EARS2: variants seen among roughly 807,000 people sequenced by gnomAD.
The protein encoded by EARS2 is glutamyl-tRNA synthetase 2, mitochondrial.
A neutral mutation model predicts 54.1 loss-of-function variants in EARS2; 50 were observed. The observed-to-expected ratio is 0.92, with a 90% CI of 0.74 to 1.17. The LOEUF (loss-of-function observed/expected upper bound fraction) is 1.17, where lower values mean the gene tolerates loss of function less well. EARS2 is among the 50% of genes most tolerant of loss of function. The pLI, the probability that EARS2 is intolerant of heterozygous loss-of-function variation, is 0.00. For missense variants in EARS2, 673 were observed against 675.0 expected (o/e 1.00, Z 0.03); for synonymous variants, 298 against 281.0 (o/e 1.06, Z -0.61).
intron 3 of EARS2, chr16:23,537,139 A>AG (rs1476356058): frequency 1.3e-5 from 3 of 228,754 alleles, no homozygotes; most frequent in African/African-American, 4.7e-5. Flanking sequence ...AAGTTAAAGA[A>AG]GAAAAAGTAA....
In EARS2 at chr16:23,524,299, T is replaced by C; in HGVS notation, c.*72A>G. Reference sequence around the variant, plus strand: ...CTTCCCGACGGGCCCCAGGCCTCCTTCTGGTCTCTGAAAGCTGTTTCTAAG... The same window carrying C: ...CTTCCCGACGGGCCCCAGGCCTCCTCCTGGTCTCTGAAAGCTGTTTCTAAG... On this transcript the variant is annotated 3_prime_UTR_variant, in exon 9 of 9. Transcript: ENST00000449606. 1.5e-6 allele frequency: 2 copies of C among 1,377,880 alleles called. No homozygotes were observed. The highest frequency in any genetic ancestry group is 1.2e-5 in the South Asian group (1 of 86,020). The allele number at this position is 1,377,880 out of a possible 1,614,324, so 85.4% of individuals were successfully genotyped here. A position where few individuals can be genotyped will look rare whatever the true frequency, so the allele number is the denominator to read the frequency against.
In EARS2 at chr16:23,524,195, C is replaced by G. The variant is rs546116107; in HGVS notation, c.*176G>C. The G allele has an allele frequency of 1.5e-6, 1 of 655,320 alleles. No homozygotes were observed. Among genetic ancestry groups the G allele is most frequent in the Admixed American group, 2.7e-5 (1 of 37,570 alleles). 40.6% of individuals were successfully genotyped at this position (655,320 alleles called of 1,614,324 possible). On this transcript the variant is annotated 3_prime_UTR_variant, in exon 9 of 9. Coordinates refer to ENST00000449606, the MANE Select transcript of EARS2 (RefSeq NM_001083614.2). ...GGGTTGGGCTTCCCCAGCCAATTGA[C>G]AAAAACGTGCCTGTGGTGGATCACA... is the stretch of plus-strand genomic sequence containing the variant.
intron 1 of EARS2, among the ~76,000 whole-genome samples, chr16:23,555,971 G>A (rs1016152953): frequency 2.6e-5 from 4 of 152,310 alleles, no homozygotes; most frequent in Admixed American, 6.5e-5. Context: ...TATTTTGGAT[G>A]TTTTCAAAAT....
At chr16:23,528,309 T>C (rs1965264555) in intron 7 of EARS2, among the ~76,000 whole-genome samples, 1 of 151,968 alleles carries the variant, frequency 6.6e-6, no homozygotes, top group African/African-American at 2.4e-5. Context: ...ACAAAAAATA[T>C]AATGTGGGAA....
At position 23,557,295 on chromosome 16, in the gene EARS2, C is replaced by T; in HGVS notation, c.49G>A (p.Ala17Thr). 6.6e-7 allele frequency: 1 copy of T among 1,513,034 alleles called. No individual in the cohort carries two copies. Among genetic ancestry groups the T allele is most frequent in the Non-Finnish European group, 8.8e-7 (1 of 1,142,168 alleles). 93.7% of individuals were successfully genotyped at this position (1,513,034 alleles called of 1,614,324 possible). The part of the protein sequence containing the change: ...RLLQRERPSA[A>T]SGRPVGRREA... ...CGCCGTCCTACGGGGCGGCCAGAGG[C>T]CGCCGAAGGCCTCTCGCGCTGCAGC... is the stretch of plus-strand genomic sequence containing the variant. Residue 17 changes from alanine to threonine, a missense_variant, in exon 1 of 9, where the codon GCC (alanine) becomes ACC (threonine). Ala to Thr is a moderately conservative substitution (Grantham distance 58). Transcript: ENST00000449606.
intron 2 of EARS2, among the ~76,000 whole-genome samples, chr16:23,547,233 A>T (rs1190632318): frequency 6.6e-6 from 1 of 152,236 alleles, no homozygotes; most frequent in African/African-American, 2.4e-5. Context: ...TGGTAAGTGA[A>T]GGAAGCCAGT....
At chr16:23,554,431 C>T (rs1374891057) in intron 1 of EARS2, among the ~76,000 whole-genome samples, 1 of 152,124 alleles carries the variant, frequency 6.6e-6, no homozygotes, top group Non-Finnish European at 1.5e-5. Context: ...TTCATCATTC[C>T]TGTCTGAAAA....
intron 3 of EARS2, among the ~76,000 whole-genome samples, chr16:23,542,361 A>G (rs1192897877): frequency 8.7e-6 from 1 of 115,126 alleles, no homozygotes; most frequent in Non-Finnish European, 1.6e-5. Flanking sequence ...TCTATCGCCC[A>G]GGCTGGAGTG....
At chr16:23,525,205 G>A (rs369245636) in intron 8 of EARS2, 39 bp downstream of exon 8, 30 of 1,613,926 alleles carry the variant, frequency 1.9e-5, no homozygotes, top group Non-Finnish European at 2.5e-5. Context: ...GATCAATGAG[G>A]GGCTCCAGGG....
At position 23,529,563 on chromosome 16, in the gene EARS2, C is replaced by T; in HGVS notation, c.1291G>A (p.Gly431Ser). The T allele has an allele frequency of 6.2e-7, 1 of 1,614,206 alleles. No individual in the cohort carries two copies. ...YSYLWTRPAVGRAQLDAISEK... is the reference protein window; with the variant it reads ...YSYLWTRPAVSRAQLDAISEK... Reference sequence around the variant, plus strand: ...GAGATGGCGTCCAGCTGTGCTCGACCTACTGCAGGGCGAGTCCACAGGTAA... The same window carrying T: ...GAGATGGCGTCCAGCTGTGCTCGACTTACTGCAGGGCGAGTCCACAGGTAA... The change falls in exon 7 of 9, where the codon GGT (glycine) becomes AGT (serine). Residue 431 changes from glycine (G) to serine (S), a missense_variant. Gly to Ser is a moderately conservative substitution (Grantham distance 56). Around this residue, in one of 3 missense-constraint regions of EARS2, gnomAD observed 338 missense variants for 361.2 expected, o/e 0.94. Coordinates refer to ENST00000449606, the MANE Select transcript of EARS2 (RefSeq NM_001083614.2).
Position 23,521,958 on chromosome 16 carries a change from C to T in EARS2, c.*2413G>A. The T allele has an allele frequency of 2.7e-6, 1 of 376,016 alleles. No individual in the cohort carries two copies. The highest frequency in any genetic ancestry group is 5.4e-6 in the Non-Finnish European group (1 of 186,612). 23.3% of individuals were successfully genotyped at this position (376,016 alleles called of 1,614,324 possible). A position where few individuals can be genotyped will look rare whatever the true frequency, so the allele number is the denominator to read the frequency against. ...CTATAACCTCGGAAGTTTTAGTTAACTTTTCAGAACCTCGGTTTCCATATC... is the reference window on the plus strand; with the variant it reads ...CTATAACCTCGGAAGTTTTAGTTAATTTTTCAGAACCTCGGTTTCCATATC... On this transcript the variant is annotated 3_prime_UTR_variant, in exon 9 of 9. Transcript: ENST00000449606.
chr16:23,548,393 A>G (rs1965640895), intron 2 of EARS2, among the ~76,000 whole-genome samples: 1 of 152,168 alleles, frequency 6.6e-6, no homozygotes, highest in Non-Finnish European at 1.5e-5. Flanking sequence ...GTGGGGGACA[A>G]GCTCTGGGCT....
At chr16:23,532,461 A>G in intron 5 of EARS2, 196 bp downstream of exon 5, 2 of 449,218 alleles carry the variant, frequency 4.5e-6, no homozygotes, top group Non-Finnish European at 8.0e-6. Context: ...AGATACTTTC[A>G]TAGAACAAGG....
intron 5 of EARS2, among the ~76,000 whole-genome samples, chr16:23,531,673 C>T (rs1252219577): frequency 1.3e-5 from 2 of 152,172 alleles, no homozygotes. Context: ...AAAGTAATAG[C>T]CCTAAAATAT....
chr16:23,540,100 G>C (rs1965488321), intron 3 of EARS2, among the ~76,000 whole-genome samples: 1 of 152,142 alleles, frequency 6.6e-6, no homozygotes, highest in Non-Finnish European at 1.5e-5. Context: ...GTTGCCTTGA[G>C]CCAATATCAC....
rs1060170 is a variant in EARS2, at chr16:23,521,669, G to A, written c.*2702C>T. 47,732 of 452,172 alleles carry A rather than the reference G, an allele frequency of 0.11. 3,183 individuals carry two copies. Among genetic ancestry groups the A allele is most frequent in the Middle Eastern group, 0.19 (529 of 2,830 alleles). 28.0% of individuals were successfully genotyped at this position (452,172 alleles called of 1,614,324 possible). ...ACCACCTTTGCCTCACAAAGCATTA[G>A]GACGTATTTGTCCTTTTGTGACTGA... On this transcript the variant is annotated 3_prime_UTR_variant, in exon 9 of 9. Transcript: ENST00000449606.
chr16:23,552,264 G>A lies in EARS2; in HGVS notation c.180C>T (p.Asn60=), dbSNP rs1480162037. ...CCTGGTACTTCTTAGCAAAGATGTA[G>A]TTGTACAAGGCAGTGCGGAGGCCAC... ...HLGGLRTALY[N]YIFAKKYQGS... Residue 60 remains asparagine, a synonymous_variant, in exon 2 of 9, where the codon AAC becomes AAT. Coordinates refer to ENST00000449606, the MANE Select transcript of EARS2 (RefSeq NM_001083614.2). 6.2e-7 allele frequency: 1 copy of A among 1,614,120 alleles called. No homozygotes were observed. The highest frequency in any genetic ancestry group is 8.5e-7 in the Non-Finnish European group (1 of 1,180,050).
chr16:23,535,916 G>A (rs1052045148), intron 3 of EARS2, among the ~76,000 whole-genome samples: 1 of 152,214 alleles, frequency 6.6e-6, no homozygotes, highest in Non-Finnish European at 1.5e-5. Flanking sequence ...AACTGCAGGA[G>A]GGAAGGCAAT....
intron 3 of EARS2, among the ~76,000 whole-genome samples, chr16:23,536,129 A>T (rs1461882687): frequency 1.3e-5 from 2 of 152,188 alleles, no homozygotes; most frequent in Non-Finnish European, 2.9e-5. Flanking sequence ...GCTCCACCCC[A>T]GACCTACTGA....
Sources: gnomAD v4.1 joint callset for allele counts (sites outside exome capture counted in the v4.1 genomes callset) on GRCh38, gnomAD v4.1.1 for gene constraint, gnomAD v4.1.1 regional missense constraint, MANE v1.5 for transcripts, NCBI Gene and HGNC (gene_info 2026-07-23, HGNC 2026-07-21) for gene names.